FAM53C: variants seen among roughly 807,000 people sequenced by gnomAD.
The protein encoded by FAM53C is protein FAM53C.
In FAM53C, 10 loss-of-function variants were observed where a neutral mutation model predicts 34.7. The ratio of observed to expected loss-of-function variants is 0.29; its 90% CI spans 0.18 to 0.49. The LOEUF (loss-of-function observed/expected upper bound fraction) is 0.49, where lower values mean the gene tolerates loss of function less well. Among genes scored for constraint, FAM53C ranks in the 20% least tolerant of loss-of-function variants. The pLI is 0.99. For missense variants in FAM53C, 442 were observed against 515.3 expected (o/e 0.86, Z 1.38); for synonymous variants, 203 against 203.6 (o/e 1.00, Z 0.03).
At chr5:138,338,682 G>A (rs929135047) in intron 1 of FAM53C, among the ~76,000 whole-genome samples, 3 of 151,658 alleles carry the variant, frequency 2.0e-5, no homozygotes, top group East Asian at 1.9e-4. Flanking sequence ...AGATTGGAGG[G>A]GCCTAGCCTT....
chr5:138,337,688 AG>A, upstream of FAM53C: 1 of 332,504 alleles, frequency 3.0e-6, no homozygotes, highest in South Asian at 2.4e-5. Flanking sequence ...TTTAAGGTTC[AG>A]GCCGATCCGG....
chr5:138,341,393 A>C lies in FAM53C; in HGVS notation c.58A>C (p.Thr20Pro), dbSNP rs1761029521. 1 of 1,613,790 alleles carries C rather than the reference A, an allele frequency of 6.2e-7. No individual in the cohort carries two copies. Among genetic ancestry groups the C allele is most frequent in the African/African-American group, 1.3e-5 (1 of 74,922 alleles). Residue 20 changes from threonine to proline, a missense_variant, in exon 2 of 5, where the codon ACA (threonine) becomes CCA (proline). By Grantham distance (38) the Thr-to-Pro change is conservative. Transcript: ENST00000239906. Reference protein sequence around the residue: ...QKQTLDELKCTRFSISLPLPD... With the variant: ...QKQTLDELKCPRFSISLPLPD... ...GCAGACTCTGGATGAGCTGAAATGC[A>C]CACGCTTCAGCATCAGTCTGGTAAA...
chr5:138,340,300 C>G (rs80195213), intron 1 of FAM53C, among the ~76,000 whole-genome samples: 4,717 of 152,338 alleles, frequency 0.031, 172 homozygotes, highest in Admixed American at 0.1. Flanking sequence ...GTTCTCTTGA[C>G]TAGCTAATGC....
rs1761261324 is a variant in FAM53C, at chr5:138,349,330, T to A, written c.*2371T>A. On this transcript the variant is annotated 3_prime_UTR_variant, in exon 5 of 5. Transcript: ENST00000239906. ...CCTCCACTTTAGCTGTTTTGACTAT[T>A]TGAATTTTCACATATTGGGCTTACC... The A allele has an allele frequency of 6.5e-6, 1 of 152,708 alleles. No individual in the cohort carries two copies. Among genetic ancestry groups the A allele is most frequent in the Admixed American group, 6.5e-5 (1 of 15,282 alleles). 9.5% of individuals were successfully genotyped at this position (152,708 alleles called of 1,614,324 possible).
At chr5:138,338,367 C>T (rs1486818798) in intron 1 of FAM53C, 60 bp downstream of exon 1, 1 of 398,340 alleles carries the variant, frequency 2.5e-6, no homozygotes, top group Non-Finnish European at 4.9e-6. Flanking sequence ...ACCGTCCCTC[C>T]CTCCTTCCCT....
In FAM53C at chr5:138,344,886, C is replaced by T; in HGVS notation, c.198C>T (p.Asn66=). Residue 66 remains asparagine, a synonymous_variant, in exon 4 of 5, where the codon AAC becomes AAT. Coordinates refer to ENST00000239906, the MANE Select transcript of FAM53C (RefSeq NM_016605.3). The part of the protein sequence containing the change: ...CSCAEFQDSL[N]FSYHPSGLSL... The stretch of plus-strand genomic sequence containing the variant: ...GTGCTGAGTTCCAGGACAGCCTCAA[C>T]TTCAGCTACCATCCCTCAGGCCTGA... 6 of 1,612,078 alleles carry T rather than the reference C, an allele frequency of 3.7e-6. No homozygotes were observed. The highest frequency in any genetic ancestry group is 5.1e-6 in the Non-Finnish European group (6 of 1,179,080).
intron 1 of FAM53C, 47 bp downstream of exon 1, chr5:138,338,354 T>C (rs1371179777): frequency 2.3e-6 from 1 of 425,990 alleles, no homozygotes; most frequent in Non-Finnish European, 4.6e-6. Flanking sequence ...GGCGGGCACC[T>C]CAACCGTCCC....
upstream of FAM53C, chr5:138,338,015 A>C (rs1447209879): frequency 3.9e-6 from 5 of 1,289,568 alleles, no homozygotes; most frequent in Non-Finnish European, 5.1e-6. Context: ...GGGGCCGTCC[A>C]CTTTCTGCGA....
Position 138,347,876 on chromosome 5 carries a change from A to T in FAM53C, c.*917A>T, listed in dbSNP as rs1761226048. 6.6e-6 allele frequency: 1 copy of T among 151,844 alleles called. No individual in the cohort carries two copies. The highest frequency in any genetic ancestry group is 2.1e-4 in the South Asian group (1 of 4,814). The allele number at this position is 151,844 out of a possible 1,614,324, so 9.4% of individuals were successfully genotyped here. A position where few individuals can be genotyped will look rare whatever the true frequency, so the allele number is the denominator to read the frequency against. ...GGCTCTCTCTCTCTCTCCTCTGCTGATGGGACCCTTTTCCCCTCACCCTCT... is the reference window on the plus strand; with the variant it reads ...GGCTCTCTCTCTCTCTCCTCTGCTGTTGGGACCCTTTTCCCCTCACCCTCT... On this transcript the variant is annotated 3_prime_UTR_variant, in exon 5 of 5. Transcript: ENST00000239906.
rs1207128240 is a variant in FAM53C at position 138,346,854 on chromosome 5, G to A, written c.1074G>A (p.Glu358=). ...CCCAGGTGCTGAGTGAAAGCGAAGA[G>A]GAGGAGGAGGGGGCTGTGCGGTGGG... is the stretch of plus-strand genomic sequence containing the variant. ...GSSQVLSESE[E]EEEGAVRWGR... Residue 358 remains glutamate (E), a synonymous_variant, in exon 5 of 5, where the codon GAG becomes GAA. Coordinates refer to ENST00000239906, the MANE Select transcript of FAM53C (RefSeq NM_016605.3). 2 of 1,613,902 alleles carry A rather than the reference G, an allele frequency of 1.2e-6. No individual in the cohort carries two copies. Among genetic ancestry groups the A allele is most frequent in the Non-Finnish European group, 1.7e-6 (2 of 1,179,988 alleles).
chr5:138,338,107 G>A (rs773543923), upstream of FAM53C: 98 of 1,289,720 alleles, frequency 7.6e-5, 1 homozygote, highest in Non-Finnish European at 2.1e-5. Flanking sequence ...CAACAGCGCT[G>A]TCCGAGAGAC....
chr5:138,343,672 G>A (rs1465941873), intron 3 of FAM53C: 1 of 152,168 alleles, frequency 6.6e-6, no homozygotes, highest in Non-Finnish European at 1.5e-5. Context: ...AGGCATCACT[G>A]GTGGACAATC....
chr5:138,348,758 G>A lies in FAM53C; in HGVS notation c.*1799G>A, dbSNP rs968540088. 5.3e-5 allele frequency: 8 copies of A among 152,204 alleles called. No individual in the cohort carries two copies. Among genetic ancestry groups the A allele is most frequent in the African/African-American group, 1.9e-4 (8 of 41,446 alleles). The allele number at this position is 152,204 out of a possible 1,614,324, so 9.4% of individuals were successfully genotyped here. A position where few individuals can be genotyped will look rare whatever the true frequency, so the allele number is the denominator to read the frequency against. Reference sequence around the variant, plus strand: ...ACCAGGTCTCTAGGGGCCTGAGAGAGGCCCTCTAGAGAATCCAGGGAAACT... The same window carrying A: ...ACCAGGTCTCTAGGGGCCTGAGAGAAGCCCTCTAGAGAATCCAGGGAAACT... On this transcript the variant is annotated 3_prime_UTR_variant, in exon 5 of 5. Coordinates refer to ENST00000239906, the MANE Select transcript of FAM53C (RefSeq NM_016605.3).
rs956043254 is a variant in FAM53C at position 138,348,014 on chromosome 5, A to ACC, written c.*1058_*1059dup. On this transcript the variant is annotated 3_prime_UTR_variant, in exon 5 of 5. Transcript: ENST00000239906. Reference sequence around the variant, plus strand: ...GTCCCCAGCAGACATGGGTGAGCTCACCCCAGCACTGCTGTTGGGAAGGTG... The same window carrying ACC: ...GTCCCCAGCAGACATGGGTGAGCTCACCCCCCAGCACTGCTGTTGGGAAGGTG... 1 of 152,506 alleles carries ACC rather than the reference A, an allele frequency of 6.6e-6. No individual in the cohort carries two copies. The highest frequency in any genetic ancestry group is 2.4e-5 in the African/African-American group (1 of 41,404). The allele number at this position is 152,506 out of a possible 1,614,324, so 9.4% of individuals were successfully genotyped here.
At chr5:138,341,462 C>A in intron 2 of FAM53C, 49 bp downstream of exon 2, 1 of 1,481,018 alleles carries the variant, frequency 6.8e-7, no homozygotes, top group Non-Finnish European at 9.4e-7. Context: ...CCCCTTTTTT[C>A]TGAGGCTGAT....
rs187065670 is a variant in FAM53C at position 138,340,147 on chromosome 5, A to G, written c.-152-1037A>G. Reference sequence around the variant, plus strand: ...ATAGGTCAGATGGTACATTTTGTACATTTTAATATGTTATATTGTTCCTGT... The same window carrying G: ...ATAGGTCAGATGGTACATTTTGTACGTTTTAATATGTTATATTGTTCCTGT... On this transcript the variant is annotated intron_variant, in intron 1 of 4. Coordinates refer to ENST00000239906, the MANE Select transcript of FAM53C (RefSeq NM_016605.3). 3.5e-4 allele frequency among the ~76,000 whole-genome samples: 53 copies of G among 152,362 alleles called. No individual in the cohort carries two copies. The East Asian group carries it at 9.1e-3, about 26-fold the overall frequency.
intron 1 of FAM53C, 92 bp downstream of exon 1, chr5:138,338,399 C>T (rs1760883789): frequency 2.8e-6 from 1 of 354,220 alleles, no homozygotes; most frequent in Non-Finnish European, 5.5e-6. Flanking sequence ...CCCAGCCCGA[C>T]CGCCCGCGCG....
At chr5:138,337,769 C>A, upstream of FAM53C, 2 of 374,532 alleles carry the variant, frequency 5.3e-6, no homozygotes, top group Non-Finnish European at 5.0e-6. Flanking sequence ...TTCCCAGCAG[C>A]CTTCACGCCG....
intron 1 of FAM53C, among the ~76,000 whole-genome samples, chr5:138,340,695 TGGG>T (rs1376469561): frequency 9.2e-5 from 14 of 152,246 alleles, no homozygotes; most frequent in African/African-American, 1.7e-4. Context: ...GTTTAGGCTG[TGGG>T]AGGACATAAA....
Sources: gnomAD v4.1 joint callset for allele counts (sites outside exome capture counted in the v4.1 genomes callset) on GRCh38, gnomAD v4.1.1 for gene constraint, MANE v1.5 for transcripts, NCBI Gene and HGNC (gene_info 2026-07-23, HGNC 2026-07-21) for gene names.